Variants in POU6F2 observed in about 807,000 individuals in gnomAD.
POU6F2 encodes POU class 6 homeobox 2.
A neutral mutation model predicts 71.3 loss-of-function variants in POU6F2; 31 were observed. That is an observed-to-expected ratio of 0.43 (90% CI 0.33 to 0.59). The LOEUF (loss-of-function observed/expected upper bound fraction) is 0.59, where lower values mean the gene tolerates loss of function less well. Among genes scored for constraint, POU6F2 ranks in the 20% least tolerant of loss-of-function variants. The pLI, the probability that POU6F2 is intolerant of heterozygous loss-of-function variation, is 0.04. For missense variants in POU6F2, 783 were observed against 856.8 expected, an observed-to-expected ratio of 0.91 and a Z score of 1.07; for synonymous variants, 347 against 355.7, an observed-to-expected ratio of 0.98 and a Z score of 0.27.
intron 1 of POU6F2, among the ~76,000 whole-genome samples, chr7:39,068,684 C>A (rs1272698763): frequency 6.6e-6 from 1 of 151,876 alleles, no homozygotes; most frequent in African/African-American, 2.4e-5. Context: ...ATTTTATAGC[C>A]CAGAGGACAG....
chr7:39,275,818 A>G (rs2128758059), intron 4 of POU6F2, among the ~76,000 whole-genome samples: 1 of 151,944 alleles, frequency 6.6e-6, no homozygotes, highest in South Asian at 2.1e-4. Context: ...TCCCTATTTA[A>G]TAAATGGTGC....
intron 7 of POU6F2, among the ~76,000 whole-genome samples, chr7:39,446,120 G>GA (rs1163483211): frequency 2.0e-5 from 3 of 152,190 alleles, no homozygotes; most frequent in African/African-American, 7.2e-5. Context: ...ACATTACTCA[G>GA]AAAAATGCCA....
chr7:39,430,123 A>T (rs1408564509), intron 6 of POU6F2, among the ~76,000 whole-genome samples: 1 of 152,234 alleles, frequency 6.6e-6, no homozygotes, highest in East Asian at 1.9e-4. Flanking sequence ...ATGTGTGACC[A>T]TCTTTACCCT....
intron 4 of POU6F2, among the ~76,000 whole-genome samples, chr7:39,287,180 A>G (rs183201454): frequency 4.1e-4 from 62 of 152,306 alleles, no homozygotes; most frequent in Admixed American, 3.6e-3. Context: ...ATGTTTGCAA[A>G]TAGTTACCTA....
chr7:39,192,840 A>G (rs1793697033), intron 2 of POU6F2, among the ~76,000 whole-genome samples: 2 of 152,158 alleles, frequency 1.3e-5, no homozygotes, highest in Non-Finnish European at 2.9e-5. Flanking sequence ...GTACTGCTCA[A>G]ATAAAAAAGA....
intron 5 of POU6F2, among the ~76,000 whole-genome samples, chr7:39,346,972 C>T (rs773719040): frequency 5.3e-5 from 8 of 152,170 alleles, no homozygotes; most frequent in Non-Finnish European, 1.2e-4. Flanking sequence ...GCAGAACAGA[C>T]AAGATGATGC....
At chr7:39,021,638 T>C (rs1031039664) in intron 1 of POU6F2, among the ~76,000 whole-genome samples, 3 of 152,050 alleles carry the variant, frequency 2.0e-5, no homozygotes, top group African/African-American at 7.2e-5. Flanking sequence ...TTTCCCAAAA[T>C]GTTTACTACA....
chr7:39,439,939 G>A (rs1362733610), intron 7 of POU6F2, among the ~76,000 whole-genome samples: 1 of 152,098 alleles, frequency 6.6e-6, no homozygotes, highest in African/African-American at 2.4e-5. Context: ...CTTCGCTTAT[G>A]AAGCTTAGTT....
intron 4 of POU6F2, among the ~76,000 whole-genome samples, chr7:39,215,754 A>C (rs1477745984): frequency 1.3e-5 from 2 of 152,352 alleles, no homozygotes; most frequent in African/African-American, 4.8e-5. Flanking sequence ...TGGTCTCTAC[A>C]CTGCACAGAG....
At chr7:39,332,259 G>A (rs1394393751) in intron 4 of POU6F2, among the ~76,000 whole-genome samples, 2 of 151,306 alleles carry the variant, frequency 1.3e-5, no homozygotes, top group African/African-American at 4.9e-5. Context: ...CCTTTTTTCT[G>A]CAGATTTTTC....
At chr7:39,110,763 G>A (rs1027223703) in intron 2 of POU6F2, among the ~76,000 whole-genome samples, 1 of 152,122 alleles carries the variant, frequency 6.6e-6, no homozygotes, top group East Asian at 1.9e-4. Context: ...AATGAGTGAA[G>A]CTCTAATATA....
Position 39,246,905 on chromosome 7 carries a change from C to CTTTTT in POU6F2, c.598+39304_598+39308dup, listed in dbSNP as rs398004470. Among the ~76,000 whole-genome samples the CTTTTT allele has an allele frequency of 5.1e-3, 401 of 78,116 alleles. 8 individuals carry two copies. The highest frequency in any genetic ancestry group is 0.01 in the Middle Eastern group (1 of 96). The allele number at this position is 78,116 out of a possible 152,430, so 51.2% of individuals were successfully genotyped here. A position where few individuals can be genotyped will look rare whatever the true frequency, so the allele number is the denominator to read the frequency against. ...CCAGCTCACCCCAAATCCAGGGTGG[C>CTTTTT]TTTTTTTTTTTTTTTTTTTTTTTGC... On this transcript the variant is annotated intron_variant, in intron 4 of 9. Transcript: ENST00000518318.
intron 2 of POU6F2, among the ~76,000 whole-genome samples, chr7:39,186,175 A>T (rs779184989): frequency 2.6e-5 from 4 of 152,182 alleles, no homozygotes; most frequent in African/African-American, 7.2e-5. Flanking sequence ...CAAATTTCAG[A>T]TGATGACTAT....
At chr7:39,420,356 G>C (rs757685161) in intron 6 of POU6F2, among the ~76,000 whole-genome samples, 10 of 152,188 alleles carry the variant, frequency 6.6e-5, no homozygotes, top group Non-Finnish European at 1.5e-5. Context: ...AAATGACATA[G>C]TGTGCTACTC....
At chr7:39,412,633 T>C (rs1292747358) in intron 6 of POU6F2, among the ~76,000 whole-genome samples, 3 of 152,100 alleles carry the variant, frequency 2.0e-5, no homozygotes, top group Non-Finnish European at 4.4e-5. Flanking sequence ...TTTAGGGAGA[T>C]TCACATATAT....
At chr7:39,289,266 A>G in intron 4 of POU6F2, among the ~76,000 whole-genome samples, 1 of 152,224 alleles carries the variant, frequency 6.6e-6, no homozygotes, top group East Asian at 1.9e-4. Flanking sequence ...AGCACTGGAA[A>G]CTAGACAGCA....
chr7:39,223,376 A>C (rs1303662330), intron 4 of POU6F2, among the ~76,000 whole-genome samples: 3 of 152,204 alleles, frequency 2.0e-5, no homozygotes, highest in African/African-American at 4.8e-5. Flanking sequence ...TGTGTTATAT[A>C]TGCAGGTGGA....
In POU6F2 at chr7:39,204,238, C is replaced by G; in HGVS notation, c.281C>G (p.Ala94Gly). 1 of 1,613,426 alleles carries G rather than the reference C, an allele frequency of 6.2e-7. No individual in the cohort carries two copies. Among genetic ancestry groups the G allele is most frequent in the South Asian group, 1.1e-5 (1 of 90,998 alleles). ...SEDTPSKLFG[A>G]RGNPALSDPG... ...GTATTTCTCTTTTGAATTCCAGGGG[C>G]TAGAGGAAACCCAGCATTATCAGAC... Residue 94 changes from alanine (A) to glycine (G), a missense_variant, in exon 3 of 10, where the codon GCT becomes GGT. Ala to Gly is a moderately conservative substitution (Grantham distance 60). Around this residue, in one of 2 missense-constraint regions of POU6F2, gnomAD observed 572 missense variants for 572.9 expected, o/e 1.00. Coordinates refer to ENST00000518318, the MANE Select transcript of POU6F2 (RefSeq NM_001370959.1).
chr7:38,983,525 A>G lies in POU6F2; in HGVS notation c.105+5467A>G, dbSNP rs545674928. Among the ~76,000 whole-genome samples, 15 of 152,080 alleles carry G rather than the reference A, an allele frequency of 9.9e-5. No individual in the cohort carries two copies. The East Asian group carries it at 2.1e-3, about 22-fold the overall frequency. On this transcript the variant is annotated intron_variant, in intron 1 of 9. Coordinates refer to ENST00000518318, the MANE Select transcript of POU6F2 (RefSeq NM_001370959.1). ...AAACTGATCCAAAATTGTAATCAAG[A>G]TTTGTACCAGTTTTGCTTTTTACAC...
Sources: allele counts gnomAD v4.1 joint callset (sites outside exome capture counted in the v4.1 genomes callset), GRCh38; gene constraint gnomAD v4.1.1; regional missense constraint gnomAD v4.1.1; transcripts MANE v1.5; gene names NCBI Gene and HGNC (gene_info 2026-07-23, HGNC 2026-07-21).